HACD1: variants seen among roughly 807,000 people sequenced by gnomAD.
HACD1 encodes very-long-chain (3R)-3-hydroxyacyl-CoA dehydratase 1.
In HACD1, 41 loss-of-function variants were observed where a neutral mutation model predicts 32.0. The ratio of observed to expected loss-of-function variants is 1.28; its 90% CI spans 1.00 to 1.66. The LOEUF (loss-of-function observed/expected upper bound fraction) is 1.66. Ranked by LOEUF, HACD1 falls within the 40% of genes most tolerant of loss-of-function variation. The probability of loss-of-function intolerance (pLI) is 0.00; values close to 1 mark genes in which losing one functional copy is unlikely to be tolerated. For synonymous variants in HACD1, 142 were observed against 139.0 expected (o/e 1.02, Z -0.15); for missense variants, 396 against 380.1 (o/e 1.04, Z -0.35).
chr10:17,609,982 CAA>C (rs1189308859), intron 1 of HACD1, among the ~76,000 whole-genome samples: 21 of 64,768 alleles, frequency 3.2e-4, no homozygotes, highest in East Asian at 4.6e-4. Flanking sequence ...GACTCCATCT[CAA>C]AAAAAAAAAA....
At chr10:17,609,074 G>A (rs1834189717) in intron 1 of HACD1, among the ~76,000 whole-genome samples, 1 of 151,424 alleles carries the variant, frequency 6.6e-6, no homozygotes, top group East Asian at 1.9e-4. Flanking sequence ...TAAAGCACTT[G>A]TGTCCAGATT....
rs782670671 is a variant in HACD1, at chr10:17,603,616, C to A, written c.427G>T (p.Val143Phe). 5.0e-6 allele frequency: 8 copies of A among 1,613,538 alleles called. No homozygotes were observed. The South Asian group carries it at 8.8e-5, about 18-fold the overall frequency. ...IVPTSVIVTG[V>F]QVSSRIFMVW... ...ATAAAGATTCTTGAACTCACTTGGA[C>A]CCCAGTCACAATCACAGAAGTAGGT... is the stretch of plus-strand genomic sequence containing the variant. Residue 143 changes from valine to phenylalanine, a missense_variant, in exon 4 of 7, where the codon GTC (valine) becomes TTC (phenylalanine). Transcript: ENST00000361271.
intron 1 of HACD1, among the ~76,000 whole-genome samples, chr10:17,609,073 T>C (rs1476497710): frequency 1.3e-5 from 2 of 151,930 alleles, no homozygotes; most frequent in African/African-American, 4.8e-5. Flanking sequence ...GTAAAGCACT[T>C]GTGTCCAGAT....
intron 1 of HACD1, chr10:17,615,766 A>G: frequency 2.5e-6 from 1 of 399,708 alleles, no homozygotes; most frequent in Non-Finnish European, 5.1e-6. Context: ...CAGGAGTTCG[A>G]GACCACCCTG....
chr10:17,594,130 C>T, intron 6 of HACD1, 75 bp downstream of exon 6: 2 of 1,183,366 alleles, frequency 1.7e-6, no homozygotes, highest in South Asian at 3.3e-5. Flanking sequence ...ATTATTTCCC[C>T]TTGCATATTA....
chr10:17,590,490 A>C, intron 6 of HACD1, 44 bp from the exon 7 acceptor site: 1 of 1,415,056 alleles, frequency 7.1e-7, no homozygotes, highest in South Asian at 1.2e-5. Context: ...TATTGCTTTA[A>C]AATTATTTAT....
At chr10:17,597,807 G>A (rs561934057) in intron 5 of HACD1, among the ~76,000 whole-genome samples, 1 of 152,256 alleles carries the variant, frequency 6.6e-6, no homozygotes, top group Non-Finnish European at 1.5e-5. Context: ...TGTACAGTAA[G>A]ATTAAAACCA....
At chr10:17,609,155 G>GTTTTTTTTTTTTTTTTTTT (rs56347429) in intron 1 of HACD1, among the ~76,000 whole-genome samples, 2 of 132,122 alleles carry the variant, frequency 1.5e-5, no homozygotes, top group African/African-American at 5.7e-5. Context: ...TGTGCAAAAG[G>GTTTTTTTTTTTTTTTTTTT]TTTTTTTTTT....
chr10:17,603,491 T>C (rs535206459), intron 4 of HACD1, 69 bp downstream of exon 4: 1 of 1,353,668 alleles, frequency 7.4e-7, no homozygotes, highest in East Asian at 2.3e-5. Flanking sequence ...CAAATGTTAA[T>C]ATTTTAGATT....
In HACD1 at chr10:17,601,527, T is replaced by A. The variant is rs537812594; in HGVS notation, c.483+2033A>T. Among the ~76,000 whole-genome samples, 5 of 152,286 alleles carry A rather than the reference T, an allele frequency of 3.3e-5. No homozygotes were observed. In the South Asian group the frequency reaches 1.0e-3, roughly 32 times the overall value. ...ACGGGGCAGACGGGTCCTGTTTTAT[T>A]TTTGGAACTCGCGACTCTCAAGCTT... On this transcript the variant is annotated intron_variant, in intron 4 of 6. Coordinates refer to ENST00000361271, the MANE Select transcript of HACD1 (RefSeq NM_014241.4).
intron 1 of HACD1, among the ~76,000 whole-genome samples, 188 bp downstream of exon 1, chr10:17,616,895 C>G (rs1833094271): frequency 1.3e-5 from 2 of 152,058 alleles, no homozygotes; most frequent in Non-Finnish European, 2.9e-5. Context: ...CAATGCCAGG[C>G]GCGCAGGGCC....
chr10:17,597,958 T>C (rs1261463601), intron 5 of HACD1, among the ~76,000 whole-genome samples: 1 of 151,896 alleles, frequency 6.6e-6, no homozygotes, highest in African/African-American at 2.4e-5. Flanking sequence ...TATTAAAAAG[T>C]CACAAAGAGT....
chr10:17,616,963 C>A, intron 1 of HACD1, 120 bp downstream of exon 1: 2 of 1,139,000 alleles, frequency 1.8e-6, no homozygotes, highest in Non-Finnish European at 2.2e-6. Flanking sequence ...AGCTCCCTTC[C>A]CCCACGGCCG....
chr10:17,599,094 A>T, intron 5 of HACD1, 196 bp downstream of exon 5: 2 of 1,006,672 alleles, frequency 2.0e-6, no homozygotes, highest in Non-Finnish European at 2.6e-6. Flanking sequence ...AATATTTATT[A>T]ATACGATTCC....
At chr10:17,616,931 C>G in intron 1 of HACD1, 152 bp downstream of exon 1, 1 of 847,516 alleles carries the variant, frequency 1.2e-6, no homozygotes, top group Non-Finnish European at 1.6e-6. Flanking sequence ...CTCCATTCAA[C>G]CCCGGCGGTG....
chr10:17,612,418 A>G (rs1554817585), intron 1 of HACD1, among the ~76,000 whole-genome samples: 7 of 152,208 alleles, frequency 4.6e-5, no homozygotes. Context: ...ATTCATTCAA[A>G]TATTTATTGA....
At chr10:17,614,420 C>T (rs1195442140) in intron 1 of HACD1, among the ~76,000 whole-genome samples, 1 of 152,110 alleles carries the variant, frequency 6.6e-6, no homozygotes, top group Middle Eastern at 3.2e-3. Context: ...CCATGCCCGG[C>T]TAATTTTTGT....
At chr10:17,591,343 A>G (rs1234722996) in intron 6 of HACD1, among the ~76,000 whole-genome samples, 10 of 152,112 alleles carry the variant, frequency 6.6e-5, no homozygotes, top group African/African-American at 2.4e-4. Context: ...ATGCATGCTC[A>G]TTGCCCTCTG....
chr10:17,611,194 G>T (rs1834230526), intron 1 of HACD1, among the ~76,000 whole-genome samples: 1 of 152,018 alleles, frequency 6.6e-6, no homozygotes, highest in Admixed American at 6.6e-5. Context: ...TAGAGACAGG[G>T]TTTCACTGTG....
Sources: allele counts gnomAD v4.1 joint callset (sites outside exome capture counted in the v4.1 genomes callset), GRCh38; gene constraint gnomAD v4.1.1; transcripts MANE v1.5; gene names NCBI Gene and HGNC (gene_info 2026-07-23, HGNC 2026-07-21).